The following RPS6KA2 variants were observed in gnomAD, a reference collection of about 807,000 sequenced individuals.
The protein encoded by RPS6KA2 is ribosomal protein S6 kinase A2, also known as ribosomal protein S6 kinase alpha-2.
Under a neutral mutation model 91.8 loss-of-function variants are expected in RPS6KA2, and 42 were observed. The observed-to-expected ratio is 0.46, with a 90% CI of 0.36 to 0.59. RPS6KA2 has a LOEUF of 0.59. Ranked by LOEUF, RPS6KA2 falls within the 20% of genes least tolerant of loss-of-function variation. The pLI, the probability that RPS6KA2 is intolerant of heterozygous loss-of-function variation, is 0.00. For synonymous variants in RPS6KA2, 414 were observed against 393.6 expected (o/e 1.05, Z -0.61); for missense variants, 798 against 978.5 (o/e 0.82, Z 2.46).
chr6:166,453,237 G>C (rs772106877), intron 12 of RPS6KA2, among the ~76,000 whole-genome samples: 4 of 147,050 alleles, frequency 2.7e-5, no homozygotes, highest in Non-Finnish European at 4.5e-5. Context: ...ACACAAAAAG[G>C]CTTTAAGACC....
At chr6:166,586,478 T>G in intron 1 of RPS6KA2, 1 of 1,597,248 alleles carries the variant, frequency 6.3e-7, no homozygotes, top group Non-Finnish European at 8.5e-7. Flanking sequence ...TGTCAGTCAT[T>G]CTGAAAATCC....
chr6:166,568,598 A>G (rs1465596884), intron 1 of RPS6KA2, among the ~76,000 whole-genome samples: 1 of 137,176 alleles, frequency 7.3e-6, no homozygotes, highest in East Asian at 2.3e-4. Flanking sequence ...AAGCCTGCAC[A>G]ACAAGAGCAA....
chr6:166,471,489 C>T (rs996975935), intron 10 of RPS6KA2, among the ~76,000 whole-genome samples: 9 of 152,230 alleles, frequency 5.9e-5, no homozygotes, highest in Admixed American at 5.9e-4. Context: ...ATACTAAATG[C>T]CCCTGAAGGC....
chr6:166,530,612 CCT>C (rs1216008531), intron 3 of RPS6KA2, among the ~76,000 whole-genome samples: 1 of 152,210 alleles, frequency 6.6e-6, no homozygotes, highest in Non-Finnish European at 1.5e-5. Flanking sequence ...GGGGAAGTTC[CCT>C]CTCTCACCAA....
intron 2 of RPS6KA2, among the ~76,000 whole-genome samples, chr6:166,690,572 A>G (rs2128570926): frequency 6.6e-6 from 1 of 152,316 alleles, no homozygotes; most frequent in Non-Finnish European, 1.5e-5. Context: ...TCGGAACTCC[A>G]GGCGTCCTCT....
intron 1 of RPS6KA2, among the ~76,000 whole-genome samples, chr6:166,550,443 TA>T (rs11307998): frequency 0.4 from 60,897 of 151,654 alleles, 12,928 homozygotes; most frequent in East Asian, 0.57. Context: ...TATTAATTGG[TA>T]AAAAAAAAGA....
chr6:166,681,892 T>G (rs1277300758), intron 2 of RPS6KA2, among the ~76,000 whole-genome samples: 1 of 152,000 alleles, frequency 6.6e-6, no homozygotes, highest in Non-Finnish European at 1.5e-5. Flanking sequence ...CCTGCCGAGA[T>G]CCCTTGATCG....
At chr6:166,504,859 T>G (rs1031756152) in intron 5 of RPS6KA2, among the ~76,000 whole-genome samples, 1 of 151,872 alleles carries the variant, frequency 6.6e-6, no homozygotes, top group African/African-American at 2.4e-5. Flanking sequence ...GCCTTGAGAG[T>G]GGGGTGCTGA....
At chr6:166,836,089 C>G (rs866640327) in intron 2 of RPS6KA2, among the ~76,000 whole-genome samples, 2 of 152,034 alleles carry the variant, frequency 1.3e-5, no homozygotes, top group African/African-American at 2.4e-5. Flanking sequence ...TTTTATGATG[C>G]ATTATTCTTT....
chr6:166,469,677 T>G (rs973057430), intron 11 of RPS6KA2, among the ~76,000 whole-genome samples, 164 bp downstream of exon 11: 2 of 152,144 alleles, frequency 1.3e-5, no homozygotes, highest in African/African-American at 4.8e-5. Flanking sequence ...GCCAGCCCGC[T>G]CAGCAGGGTC....
chr6:166,857,117 A>G (rs1008841823), intron 2 of RPS6KA2, among the ~76,000 whole-genome samples: 5 of 152,240 alleles, frequency 3.3e-5, no homozygotes, highest in African/African-American at 1.2e-4. Context: ...CACTTGGCTT[A>G]AATGTTGCAT....
chr6:166,650,650 T>G (rs1787827893), intron 2 of RPS6KA2, among the ~76,000 whole-genome samples: 1 of 152,212 alleles, frequency 6.6e-6, no homozygotes, highest in Non-Finnish European at 1.5e-5. Context: ...GTGTTGTATG[T>G]GAGGGTGAAC....
chr6:166,802,944 G>GTA (rs201882418), intron 2 of RPS6KA2, among the ~76,000 whole-genome samples: 7,767 of 133,722 alleles, frequency 0.058, 263 homozygotes, highest in Non-Finnish European at 0.084. Context: ...GTGTGTGTGT[G>GTA]TATATATATA....
chr6:166,719,782 G>C (rs1286091992), intron 2 of RPS6KA2, among the ~76,000 whole-genome samples: 1 of 152,252 alleles, frequency 6.6e-6, no homozygotes, highest in African/African-American at 2.4e-5. Flanking sequence ...CTGCAAGGGA[G>C]CATGATCATC....
intron 2 of RPS6KA2, among the ~76,000 whole-genome samples, chr6:166,723,167 A>T (rs1003990696): frequency 6.6e-6 from 1 of 152,246 alleles, no homozygotes; most frequent in Non-Finnish European, 1.5e-5. Context: ...TGGGGCTGGC[A>T]GGCTTGGGTT....
intron 2 of RPS6KA2, among the ~76,000 whole-genome samples, chr6:166,773,835 G>C (rs1778543030): frequency 6.6e-6 from 1 of 152,186 alleles, no homozygotes; most frequent in African/African-American, 2.4e-5. Flanking sequence ...AACTACCGTT[G>C]AGATGACATA....
At chr6:166,841,130 A>T (rs868380391) in intron 2 of RPS6KA2, among the ~76,000 whole-genome samples, 26 of 151,782 alleles carry the variant, frequency 1.7e-4, no homozygotes, top group African/African-American at 4.8e-4. Flanking sequence ...AAAATAAAAA[A>T]AAAAAAATTA....
intron 10 of RPS6KA2, among the ~76,000 whole-genome samples, chr6:166,470,623 A>C (rs1780729978): frequency 6.6e-6 from 1 of 152,118 alleles, no homozygotes; most frequent in South Asian, 2.1e-4. Context: ...CTAACGGTGG[A>C]TACATGTCCA....
intron 2 of RPS6KA2, among the ~76,000 whole-genome samples, chr6:166,823,656 T>A (rs1287758210): frequency 6.6e-6 from 1 of 152,200 alleles, no homozygotes; most frequent in African/African-American, 2.4e-5. Context: ...AAGTTCCTAG[T>A]GTTATTCCCT....
Sources: gnomAD v4.1 joint callset for allele counts (sites outside exome capture counted in the v4.1 genomes callset) on GRCh38, gnomAD v4.1.1 for gene constraint, MANE v1.5 for transcripts, NCBI Gene and HGNC (gene_info 2026-07-23, HGNC 2026-07-21) for gene names.